DNAH11: variants seen among roughly 807,000 people sequenced by gnomAD.
DNAH11 encodes axonemal beta dynein heavy chain 11.
DNAH11 carries 442 observed loss-of-function variants against 526.0 expected under a neutral mutation model. The ratio of observed to expected loss-of-function variants is 0.84; its 90% CI spans 0.78 to 0.91. DNAH11 has a LOEUF of 0.91. Among genes scored for constraint, DNAH11 ranks in the 40% least tolerant of loss-of-function variants. The pLI is 0.00. For synonymous variants in DNAH11, 2,461 were observed against 1,935.9 expected (o/e 1.27, Z -7.12); for missense variants, 6,989 against 5,448.7 (o/e 1.28, Z -8.90).
intron 61 of DNAH11, among the ~76,000 whole-genome samples, chr7:21,790,063 G>T (rs1390187670): frequency 1.3e-5 from 2 of 151,684 alleles, no homozygotes; most frequent in Non-Finnish European, 2.9e-5. Flanking sequence ...CCTGAATAGT[G>T]TCCATTTCTT....
chr7:21,627,433 C>T lies in DNAH11; in HGVS notation c.4500+7355C>T, dbSNP rs371945371. On this transcript the variant is annotated intron_variant, in intron 25 of 81. Coordinates refer to ENST00000409508, the MANE Select transcript of DNAH11 (RefSeq NM_001277115.2). ...TCAGGTCTTAGATTCAACTCTTAAT[C>T]CATTTTTATTTGATTTTTGTTTACA... 5.3e-5 allele frequency among the ~76,000 whole-genome samples: 8 copies of T among 152,204 alleles called. No homozygotes were observed. The East Asian group carries it at 1.4e-3, about 26-fold the overall frequency.
chr7:21,879,562 A>C (rs1445893203), intron 74 of DNAH11, among the ~76,000 whole-genome samples: 1 of 152,220 alleles, frequency 6.6e-6, no homozygotes, highest in African/African-American at 2.4e-5. Flanking sequence ...GTTCATTGGA[A>C]GGAAATAATG....
At chr7:21,743,656 TG>T (rs1786017778) in intron 49 of DNAH11, among the ~76,000 whole-genome samples, 1 of 152,212 alleles carries the variant, frequency 6.6e-6, no homozygotes, top group Non-Finnish European at 1.5e-5. Flanking sequence ...TTTTCGTGTC[TG>T]TGTATCTAGC....
chr7:21,758,831 A>G (rs1313035736), intron 54 of DNAH11, among the ~76,000 whole-genome samples: 1 of 152,198 alleles, frequency 6.6e-6, no homozygotes, highest in African/African-American at 2.4e-5. Flanking sequence ...GCTAGCATTC[A>G]GCTGTGGGGT....
At chr7:21,841,293 G>A (rs960588253) in intron 65 of DNAH11, among the ~76,000 whole-genome samples, 2 of 152,000 alleles carry the variant, frequency 1.3e-5, no homozygotes, top group Non-Finnish European at 2.9e-5. Context: ...TACTTAAGAT[G>A]CATTATACAT....
chr7:21,725,013 G>A (rs73065693), intron 44 of DNAH11, among the ~76,000 whole-genome samples: 93 of 42,126 alleles, frequency 2.2e-3, no homozygotes, highest in African/African-American at 0.01. Flanking sequence ...ATATAGAAGG[G>A]TTTTTCTAGT....
At chr7:21,842,520 A>C in intron 65 of DNAH11, 24 bp from the exon 66 acceptor site, 1 of 1,601,798 alleles carries the variant, frequency 6.2e-7, no homozygotes, top group Non-Finnish European at 8.5e-7. Context: ...AGTCTCCTGA[A>C]AGTCTGTGTT....
Position 21,729,691 on chromosome 7 carries a change from A to G in DNAH11, c.7440+3707A>G, listed in dbSNP as rs377213243. Among the ~76,000 whole-genome samples, 67 of 103,108 alleles carry G rather than the reference A, an allele frequency of 6.5e-4. No homozygotes were observed. The Middle Eastern group carries it at 0.015, about 24-fold the overall frequency. The allele number at this position is 103,108 out of a possible 152,430, so 67.6% of individuals were successfully genotyped here. A position where few individuals can be genotyped will look rare whatever the true frequency, so the allele number is the denominator to read the frequency against. ...TTATGACAAGAATTGCTTTTCTGCC[A>G]GTGTCAAGTAACACTGAGGTCTCAC... is the stretch of plus-strand genomic sequence containing the variant. On this transcript the variant is annotated intron_variant, in intron 45 of 81. Coordinates refer to ENST00000409508, the MANE Select transcript of DNAH11 (RefSeq NM_001277115.2).
intron 61 of DNAH11, among the ~76,000 whole-genome samples, chr7:21,796,794 C>G (rs116339148): frequency 6.6e-6 from 1 of 152,200 alleles, no homozygotes; most frequent in Non-Finnish European, 1.5e-5. Context: ...ATGAAAAAAT[C>G]TCTCTGAGAC....
At chr7:21,693,229 G>A (rs1783703431) in intron 35 of DNAH11, among the ~76,000 whole-genome samples, 1 of 151,962 alleles carries the variant, frequency 6.6e-6, no homozygotes, top group African/African-American at 2.4e-5. Flanking sequence ...TTTTCGTATG[G>A]GTTTTCTCCT....
intron 42 of DNAH11, 44 bp from the exon 43 acceptor site, chr7:21,717,731 T>C: frequency 1.2e-6 from 2 of 1,609,230 alleles, no homozygotes; most frequent in Non-Finnish European, 1.7e-6. Flanking sequence ...ATTCTGCTTT[T>C]CAAGCCTAGT....
At chr7:21,564,119 T>C in intron 5 of DNAH11, 67 bp from the exon 6 acceptor site, 2 of 1,234,468 alleles carry the variant, frequency 1.6e-6, no homozygotes, top group Non-Finnish European at 2.2e-6. Context: ...CTTCTACATG[T>C]AAAGTGAATT....
chr7:21,866,532 G>A lies in DNAH11; in HGVS notation c.11559G>A (p.Gln3853=), dbSNP rs775980603. The part of the protein sequence containing the change: ...IDRDVEGSAK[Q]WRKWVESECP... ...GAGATGTGGAAGGATCTGCCAAGCA[G>A]TGGAGGAAGTGGGTAGAATCCGAGT... The change falls in exon 71 of 82, where the codon CAG becomes CAA. Residue 3853 remains glutamine, a synonymous_variant. Transcript: ENST00000409508. The A allele has an allele frequency of 4.3e-6, 7 of 1,613,962 alleles. No individual in the cohort carries two copies. Among genetic ancestry groups the A allele is most frequent in the Admixed American group, 1.7e-5 (1 of 60,022 alleles).
At chr7:21,896,793 G>A (rs372205605) in intron 79 of DNAH11, among the ~76,000 whole-genome samples, 92 of 152,240 alleles carry the variant, frequency 6.0e-4, no homozygotes, top group South Asian at 3.3e-3. Flanking sequence ...CAGGTTGGGC[G>A]CAGTGGCTCA....
At position 21,599,900 on chromosome 7, in the gene DNAH11, A is replaced by T; in HGVS notation, c.2781A>T (p.Leu927Phe). The T allele has an allele frequency of 6.2e-7, 1 of 1,613,582 alleles. No homozygotes were observed. The highest frequency in any genetic ancestry group is 8.5e-7 in the Non-Finnish European group (1 of 1,179,698). Reference protein sequence around the residue: ...EGFFQAIMHDLDFFLKNTEKQ... With the variant: ...EGFFQAIMHDFDFFLKNTEKQ... Reference sequence around the variant, plus strand: ...TTTTTCAGGCTATAATGCACGACTTAGACTTCTTTCTGAAGAATACAGAGA... The same window carrying T: ...TTTTTCAGGCTATAATGCACGACTTTGACTTCTTTCTGAAGAATACAGAGA... The change falls in exon 15 of 82, where the codon TTA becomes TTT. Residue 927 changes from leucine (L) to phenylalanine (F), a missense_variant. Physicochemically the swap from Leu to Phe is conservative, Grantham distance 22. Transcript: ENST00000409508.
At position 21,765,014 on chromosome 7, in the gene DNAH11, C is replaced by G. The variant is rs142803113; in HGVS notation, c.8941-414C>G. 9.3e-4 allele frequency among the ~76,000 whole-genome samples: 141 copies of G among 152,228 alleles called. No individual in the cohort carries two copies. In the Middle Eastern group the frequency reaches 0.01, roughly 11 times the overall value. Reference sequence around the variant, plus strand: ...GACATTGTTTTTAAAGTGTATTATGCAGCTTTATGGAACCTGATGAATTAC... The same window carrying G: ...GACATTGTTTTTAAAGTGTATTATGGAGCTTTATGGAACCTGATGAATTAC... On this transcript the variant is annotated intron_variant, in intron 54 of 81. Transcript: ENST00000409508.
chr7:21,618,425 C>A (rs1203232022), intron 23 of DNAH11: 1 of 152,536 alleles, frequency 6.6e-6, no homozygotes, highest in Non-Finnish European at 1.5e-5. Context: ...TCCTGCAACC[C>A]ATATGGCTGG....
In DNAH11 at chr7:21,713,515, G is replaced by A. The variant is rs543378366; in HGVS notation, c.6983+1655G>A. 9.9e-4 allele frequency among the ~76,000 whole-genome samples: 151 copies of A among 152,104 alleles called. 1 individual carries two copies. In the Middle Eastern group the frequency reaches 0.027, roughly 28 times the overall value. On this transcript the variant is annotated intron_variant, in intron 42 of 81. Transcript: ENST00000409508. ...TCCTTCCAGGTTCTGGCAGTCCTTC[G>A]TTCTCTTGTCCCTCCAGGCATAGAT...
intron 14 of DNAH11, among the ~76,000 whole-genome samples, chr7:21,595,050 G>A (rs760747352): frequency 6.6e-6 from 1 of 152,172 alleles, no homozygotes; most frequent in Admixed American, 6.5e-5. Context: ...GGTTCCGTAT[G>A]TTCAGGCTGA....
Sources: gnomAD v4.1 joint callset for allele counts (sites outside exome capture counted in the v4.1 genomes callset) on GRCh38, gnomAD v4.1.1 for gene constraint, MANE v1.5 for transcripts, NCBI Gene and HGNC (gene_info 2026-07-23, HGNC 2026-07-21) for gene names.